Variants in CNTN1 observed in about 807,000 individuals in gnomAD.
CNTN1 encodes contactin-1.
CNTN1 carries 38 observed loss-of-function variants against 126.4 expected under a neutral mutation model. The observed-to-expected ratio is 0.30, with a 90% confidence interval of 0.23 to 0.39. The LOEUF (loss-of-function observed/expected upper bound fraction) is 0.39, where lower values mean the gene tolerates loss of function less well. Ranked by LOEUF, CNTN1 falls within the 10% of genes least tolerant of loss-of-function variation. The pLI, the probability that CNTN1 is intolerant of heterozygous loss-of-function variation, is 1.00. For synonymous variants in CNTN1, 413 were observed against 422.6 expected (o/e 0.98, Z 0.28); for missense variants, 1,009 against 1,248.4 (o/e 0.81, Z 2.89).
intron 3 of CNTN1, among the ~76,000 whole-genome samples, chr12:40,911,447 G>A (rs4768323): frequency 0.066 from 10,029 of 152,274 alleles, 548 homozygotes; most frequent in Admixed American, 0.16. Flanking sequence ...GGAAACCCCT[G>A]ATAAACCCAT....
chr12:40,906,009 C>T lies in CNTN1; in HGVS notation c.-76-2348C>T, dbSNP rs181302956. Among the ~76,000 whole-genome samples the T allele has an allele frequency of 1.6e-3, 249 of 152,370 alleles. 1 individual carries two copies. Among genetic ancestry groups the T allele is most frequent in the African/African-American group, 5.6e-3 (233 of 41,590 alleles). On this transcript the variant is annotated intron_variant, in intron 1 of 23. Coordinates refer to ENST00000551295, the MANE Select transcript of CNTN1 (RefSeq NM_001843.4). ...AAGAATTGTTGGCCGGGTGCAATGG[C>T]TCACGCCTGTAATCCCAGCACTTTG...
intron 23 of CNTN1, among the ~76,000 whole-genome samples, chr12:41,040,757 T>C (rs1949385108): frequency 6.6e-6 from 1 of 151,386 alleles, no homozygotes; most frequent in Non-Finnish European, 1.5e-5. Flanking sequence ...TTTTTGTACA[T>C]TGATTTTGTA....
intron 18 of CNTN1, 43 bp downstream of exon 18, chr12:41,014,341 A>G: frequency 6.3e-7 from 1 of 1,588,172 alleles, no homozygotes; most frequent in Non-Finnish European, 8.6e-7. Flanking sequence ...TGCTGTATCT[A>G]TATTTAACTT....
At chr12:40,713,070 G>T (rs1164755544) in intron 1 of CNTN1, among the ~76,000 whole-genome samples, 2 of 152,058 alleles carry the variant, frequency 1.3e-5, no homozygotes, top group Non-Finnish European at 2.9e-5. Flanking sequence ...GGTTTATTTG[G>T]CTCATGGTTC....
At chr12:40,824,134 T>C (rs561226799) in intron 1 of CNTN1, among the ~76,000 whole-genome samples, 1 of 152,254 alleles carries the variant, frequency 6.6e-6, no homozygotes, top group Admixed American at 6.5e-5. Flanking sequence ...TCAAACATCT[T>C]AACAGCGTTG....
At chr12:40,992,886 C>G (rs1000062163) in intron 16 of CNTN1, among the ~76,000 whole-genome samples, 3 of 152,160 alleles carry the variant, frequency 2.0e-5, no homozygotes, top group Non-Finnish European at 2.9e-5. Flanking sequence ...CTCCCTGCCT[C>G]AAACTTACTT....
chr12:41,012,133 G>C (rs907768864), intron 17 of CNTN1, among the ~76,000 whole-genome samples: 1 of 152,072 alleles, frequency 6.6e-6, no homozygotes, highest in East Asian at 1.9e-4. Flanking sequence ...ACTTTGAGAT[G>C]CCATGTGCTC....
chr12:41,011,720 A>G (rs1053988788), intron 17 of CNTN1, among the ~76,000 whole-genome samples: 2 of 152,176 alleles, frequency 1.3e-5, no homozygotes, highest in South Asian at 4.1e-4. Flanking sequence ...CATTTGGGCA[A>G]TTGTTGCACT....
At position 41,017,002 on chromosome 12, in the gene CNTN1, T is replaced by C. The variant is rs1948796450; in HGVS notation, c.2419+86T>C. The C allele has an allele frequency of 5.2e-6, 6 of 1,156,438 alleles. No individual in the cohort carries two copies. In the South Asian group the frequency reaches 7.7e-5, roughly 15 times the overall value. The allele number at this position is 1,156,438 out of a possible 1,614,324, so 71.6% of individuals were successfully genotyped here. A position where few individuals can be genotyped will look rare whatever the true frequency, so the allele number is the denominator to read the frequency against. On this transcript the variant is annotated intron_variant, in intron 19 of 23. Transcript: ENST00000551295. ...CATTTAGTTTGTTTCCTTTCAGGCCTTACTTATTAAGACCTTTTTATAGCA... is the reference window on the plus strand; with the variant it reads ...CATTTAGTTTGTTTCCTTTCAGGCCCTACTTATTAAGACCTTTTTATAGCA...
intron 1 of CNTN1, among the ~76,000 whole-genome samples, chr12:40,774,920 A>G (rs1395097222): frequency 6.6e-6 from 1 of 151,682 alleles, no homozygotes; most frequent in African/African-American, 2.4e-5. Context: ...ATACTTTGAT[A>G]TAAGTATACA....
At chr12:40,868,807 C>A (rs1943391078) in intron 1 of CNTN1, among the ~76,000 whole-genome samples, 1 of 152,162 alleles carries the variant, frequency 6.6e-6, no homozygotes, top group African/African-American at 2.4e-5. Context: ...ACTGTGTTTT[C>A]TCTTCCCAGC....
intron 1 of CNTN1, among the ~76,000 whole-genome samples, chr12:40,713,335 G>C (rs1941971455): frequency 6.6e-6 from 1 of 150,734 alleles, no homozygotes; most frequent in Admixed American, 6.6e-5. Context: ...ATAGTTACAG[G>C]GATTTATTGA....
chr12:41,064,518 C>T (rs1950008934), intron 23 of CNTN1, among the ~76,000 whole-genome samples: 1 of 152,212 alleles, frequency 6.6e-6, no homozygotes, highest in Admixed American at 6.5e-5. Flanking sequence ...TGGGAGTTAT[C>T]TATTAATCAT....
chr12:41,066,713 A>T (rs753905083), intron 23 of CNTN1, among the ~76,000 whole-genome samples: 1 of 152,222 alleles, frequency 6.6e-6, no homozygotes, highest in Non-Finnish European at 1.5e-5. Flanking sequence ...AAAACCAAGT[A>T]GAGCAGTTTT....
chr12:40,996,268 A>G, intron 17 of CNTN1, among the ~76,000 whole-genome samples: 1 of 151,614 alleles, frequency 6.6e-6, no homozygotes, highest in Non-Finnish European at 1.5e-5. Context: ...AGTAGCTCGG[A>G]TTACAGGGGC....
At chr12:40,904,640 G>T (rs1160554009) in intron 1 of CNTN1, among the ~76,000 whole-genome samples, 2 of 151,960 alleles carry the variant, frequency 1.3e-5, no homozygotes, top group Non-Finnish European at 2.9e-5. Context: ...ATGTTGGCCA[G>T]GCTGGTCTCG....
chr12:40,998,672 T>C (rs113764288), intron 17 of CNTN1, among the ~76,000 whole-genome samples: 177 of 152,250 alleles, frequency 1.2e-3, no homozygotes, highest in African/African-American at 3.9e-3. Context: ...TTCAGAATTA[T>C]ATACTTAAGT....
chr12:41,062,621 A>T (rs1479977888), intron 23 of CNTN1, among the ~76,000 whole-genome samples: 1 of 152,206 alleles, frequency 6.6e-6, no homozygotes, highest in African/African-American at 2.4e-5. Flanking sequence ...ATTTCATAAA[A>T]TCTCAGTTAA....
intron 1 of CNTN1, among the ~76,000 whole-genome samples, chr12:40,884,516 C>T (rs144663455): frequency 1.3e-5 from 2 of 151,552 alleles, no homozygotes; most frequent in East Asian, 3.9e-4. Context: ...ATACTTGATG[C>T]ATATTACTAA....
Sources: gnomAD v4.1 joint callset for allele counts (sites outside exome capture counted in the v4.1 genomes callset) on GRCh38, gnomAD v4.1.1 for gene constraint, MANE v1.5 for transcripts, NCBI Gene and HGNC (gene_info 2026-07-23, HGNC 2026-07-21) for gene names.